The following SGPP2 variants were observed in gnomAD, a reference collection of about 807,000 sequenced individuals.
The protein encoded by SGPP2 is sphingosine 1-phosphate phosphohydrolase 2.
SGPP2 carries 30 observed loss-of-function variants against 33.9 expected under a neutral mutation model. That is an observed-to-expected ratio of 0.89 (90% CI 0.66 to 1.20). The LOEUF (loss-of-function observed/expected upper bound fraction) is 1.20. Ranked by LOEUF, SGPP2 falls within the 50% of genes most tolerant of loss-of-function variation. The probability of loss-of-function intolerance (pLI) is 0.00; values close to 1 mark genes in which losing one functional copy is unlikely to be tolerated. For synonymous variants in SGPP2, 233 were observed against 225.0 expected (o/e 1.04, Z -0.32); for missense variants, 458 against 532.1 (o/e 0.86, Z 1.37).
chr2:222,444,353 C>A (rs1697368831), intron 1 of SGPP2, among the ~76,000 whole-genome samples: 1 of 152,196 alleles, frequency 6.6e-6, no homozygotes, highest in South Asian at 2.1e-4. Flanking sequence ...GTCTGTGGCA[C>A]CCAATCATTT....
intron 2 of SGPP2, among the ~76,000 whole-genome samples, chr2:222,499,583 C>T (rs1293021506): frequency 6.6e-6 from 1 of 151,358 alleles, no homozygotes; most frequent in Non-Finnish European, 1.5e-5. Flanking sequence ...GAGGAGGAAG[C>T]AGAAAAGAGG....
chr2:222,437,549 G>A (rs1032459739), intron 1 of SGPP2, among the ~76,000 whole-genome samples: 1 of 152,190 alleles, frequency 6.6e-6, no homozygotes, highest in East Asian at 1.9e-4. Context: ...AAGGCAAGGT[G>A]GCAGGAGTGG....
chr2:222,502,203 A>G (rs1369249625), intron 2 of SGPP2, among the ~76,000 whole-genome samples: 2 of 152,228 alleles, frequency 1.3e-5, no homozygotes, highest in Non-Finnish European at 2.9e-5. Context: ...TATACATTAC[A>G]ATGTCTTGAG....
intron 1 of SGPP2, among the ~76,000 whole-genome samples, chr2:222,449,061 G>A (rs568185814): frequency 6.6e-6 from 1 of 152,262 alleles, no homozygotes; most frequent in African/African-American, 2.4e-5. Context: ...ACAGAGAGAG[G>A]GTGTAGAATT....
intron 1 of SGPP2, among the ~76,000 whole-genome samples, chr2:222,430,801 A>G (rs1697142807): frequency 6.6e-6 from 1 of 152,244 alleles, no homozygotes; most frequent in Non-Finnish European, 1.5e-5. Context: ...CTTGATGCAT[A>G]TTAAAATTAT....
intron 2 of SGPP2, among the ~76,000 whole-genome samples, chr2:222,503,029 A>G (rs921220460): frequency 2.6e-5 from 4 of 152,206 alleles, no homozygotes; most frequent in Non-Finnish European, 5.9e-5. Flanking sequence ...TAATTGAAGA[A>G]AAGTTACCCA....
rs553147366 is a variant in SGPP2, at chr2:222,481,394, G to A, written c.378+6668G>A. ...GTCTGCCTTGTATTTTTTTAAAAGG[G>A]GCTTTCATTTTTTATTGATTTCCAC... On this transcript the variant is annotated intron_variant, in intron 2 of 4. Transcript: ENST00000321276. Among the ~76,000 whole-genome samples, 7 of 151,926 alleles carry A rather than the reference G, an allele frequency of 4.6e-5. No homozygotes were observed. In the South Asian group the frequency reaches 1.5e-3, roughly 32 times the overall value.
At chr2:222,468,717 G>T (rs1236762634) in intron 1 of SGPP2, among the ~76,000 whole-genome samples, 6 of 152,188 alleles carry the variant, frequency 3.9e-5, no homozygotes, top group Non-Finnish European at 8.8e-5. Flanking sequence ...CATTGGCAGG[G>T]TTTAGTCAGT....
intron 1 of SGPP2, among the ~76,000 whole-genome samples, chr2:222,447,939 G>A (rs1481336980): frequency 6.6e-6 from 1 of 152,162 alleles, no homozygotes; most frequent in Non-Finnish European, 1.5e-5. Flanking sequence ...AGCTAAACAA[G>A]GGGATAGAGA....
At chr2:222,445,963 G>A (rs373296289) in intron 1 of SGPP2, among the ~76,000 whole-genome samples, 11 of 152,276 alleles carry the variant, frequency 7.2e-5, no homozygotes, top group South Asian at 2.1e-4. Context: ...CCAGAAGGGC[G>A]GAACTACAGA....
intron 1 of SGPP2, among the ~76,000 whole-genome samples, chr2:222,447,982 G>A (rs1296581241): frequency 6.6e-6 from 1 of 152,204 alleles, no homozygotes; most frequent in Non-Finnish European, 1.5e-5. Flanking sequence ...ACACCACGAA[G>A]CAATTTCTCT....
chr2:222,455,028 A>C, intron 1 of SGPP2, among the ~76,000 whole-genome samples: 1 of 152,136 alleles, frequency 6.6e-6, no homozygotes. Flanking sequence ...CCTTGCCTTC[A>C]AGGAGCTTGA....
At chr2:222,539,514 A>G (rs906218035) in intron 4 of SGPP2, among the ~76,000 whole-genome samples, 2 of 152,052 alleles carry the variant, frequency 1.3e-5, no homozygotes, top group African/African-American at 4.8e-5. Context: ...TCCGTCTTCC[A>G]CCTCCCACTT....
At chr2:222,482,398 AATTG>A (rs1326163578) in intron 2 of SGPP2, among the ~76,000 whole-genome samples, 4 of 152,028 alleles carry the variant, frequency 2.6e-5, no homozygotes, top group Admixed American at 6.6e-5. Context: ...TTATTTGATT[AATTG>A]ATTGATTGAT....
chr2:222,533,532 T>C (rs574345058), intron 4 of SGPP2, among the ~76,000 whole-genome samples: 3 of 152,306 alleles, frequency 2.0e-5, no homozygotes, highest in East Asian at 3.9e-4. Context: ...GGTTACCAGA[T>C]GCGTTAGTCA....
At chr2:222,544,772 G>A (rs1484292427) in intron 4 of SGPP2, among the ~76,000 whole-genome samples, 1 of 151,992 alleles carries the variant, frequency 6.6e-6, no homozygotes, top group Non-Finnish European at 1.5e-5. Context: ...CTGGAAAGGT[G>A]CCTGTGACAT....
chr2:222,532,289 A>AG (rs1559171974), intron 4 of SGPP2, among the ~76,000 whole-genome samples: 1 of 152,176 alleles, frequency 6.6e-6, no homozygotes, highest in East Asian at 1.9e-4. Flanking sequence ...AAGAAAAAAA[A>AG]GAAAAGAAAA....
At chr2:222,453,178 A>G in intron 1 of SGPP2, 1 of 781,076 alleles carries the variant, frequency 1.3e-6, no homozygotes, top group Non-Finnish European at 2.4e-6. Flanking sequence ...TCAGCAGGAG[A>G]CATTTGCAAG....
intron 2 of SGPP2, among the ~76,000 whole-genome samples, chr2:222,486,008 C>T (rs1177361972): frequency 6.6e-6 from 1 of 152,240 alleles, no homozygotes; most frequent in Non-Finnish European, 1.5e-5. Context: ...CAGGGTGGGG[C>T]TTCCCAGGGA....
Sources: allele counts gnomAD v4.1 joint callset (sites outside exome capture counted in the v4.1 genomes callset), GRCh38; gene constraint gnomAD v4.1.1; transcripts MANE v1.5; gene names NCBI Gene and HGNC (gene_info 2026-07-23, HGNC 2026-07-21).